RIMS2: variants seen among roughly 807,000 people sequenced by gnomAD.
RIMS2 encodes the protein regulating synaptic membrane exocytosis 2.
In RIMS2, 59 loss-of-function variants were observed where a neutral mutation model predicts 174.4. That is an observed-to-expected ratio of 0.34 (90% CI 0.27 to 0.42). The LOEUF (loss-of-function observed/expected upper bound fraction) is 0.42. RIMS2 is among the 10% of genes least tolerant of loss of function. The pLI is 1.00. For synonymous variants in RIMS2, 606 were observed against 572.5 expected (o/e 1.06, Z -0.84); for missense variants, 1,620 against 1,666.3 (o/e 0.97, Z 0.48).
intron 4 of RIMS2, among the ~76,000 whole-genome samples, chr8:103,890,552 C>G (rs2099237720): frequency 6.6e-6 from 1 of 151,980 alleles, no homozygotes; most frequent in African/African-American, 2.4e-5. Flanking sequence ...TTTTTGCGCA[C>G]TCTGTATGTC....
intron 19 of RIMS2, among the ~76,000 whole-genome samples, chr8:104,239,757 A>G (rs996560482): frequency 7.2e-5 from 11 of 152,202 alleles, no homozygotes; most frequent in African/African-American, 2.7e-4. Flanking sequence ...CACAAATTTA[A>G]CAGCTGAAAA....
chr8:103,626,159 T>A (rs2095780479), intron 1 of RIMS2, among the ~76,000 whole-genome samples: 1 of 152,136 alleles, frequency 6.6e-6, no homozygotes, highest in African/African-American at 2.4e-5. Flanking sequence ...TAAATATATA[T>A]GTTAACTGTC....
At chr8:104,077,261 G>A (rs919992408) in intron 19 of RIMS2, among the ~76,000 whole-genome samples, 1 of 151,980 alleles carries the variant, frequency 6.6e-6, no homozygotes, top group Non-Finnish European at 1.5e-5. Context: ...GATGATGATA[G>A]GAAAGAAGGA....
At chr8:103,624,896 T>A (rs1472081327) in intron 1 of RIMS2, among the ~76,000 whole-genome samples, 1 of 151,678 alleles carries the variant, frequency 6.6e-6, no homozygotes, top group Non-Finnish European at 1.5e-5. Flanking sequence ...CACACAAAAA[T>A]AAATAAAATG....
In RIMS2 at chr8:103,885,962, C is replaced by T. The variant is rs1303105784; in HGVS notation, c.1363C>T (p.Arg455Trp). 3.1e-6 allele frequency: 5 copies of T among 1,612,976 alleles called. No homozygotes were observed. The East Asian group carries it at 6.7e-5, about 22-fold the overall frequency. Residue 455 changes from arginine (R) to tryptophan (W), a missense_variant, in exon 4 of 24, where the codon CGG becomes TGG. Around this residue, in one of 2 missense-constraint regions of RIMS2, gnomAD observed 1,395 missense variants for 1,360.1 expected, o/e 1.03. Coordinates refer to ENST00000504942, the Ensembl canonical transcript of RIMS2. ...AGACTTGAGGCGTACTGACTCACTA[C>T]GGAAACAGCACCACTTAGATCCTAG... is the stretch of plus-strand genomic sequence containing the variant.
At chr8:103,545,786 A>T (rs1182398561) in intron 1 of RIMS2, among the ~76,000 whole-genome samples, 2 of 131,238 alleles carry the variant, frequency 1.5e-5, no homozygotes, top group Non-Finnish European at 3.4e-5. Context: ...AAGCTTCATA[A>T]ATGAAGGAGA....
chr8:103,950,404 A>G (rs1359000914), intron 14 of RIMS2, among the ~76,000 whole-genome samples: 1 of 152,160 alleles, frequency 6.6e-6, no homozygotes, highest in African/African-American at 2.4e-5. Context: ...AAATACAGAA[A>G]ATTGAATCCA....
intron 1 of RIMS2, among the ~76,000 whole-genome samples, chr8:103,603,339 A>G (rs1465545381): frequency 6.6e-6 from 1 of 151,540 alleles, no homozygotes; most frequent in Non-Finnish European, 1.5e-5. Flanking sequence ...ATCATGTTTT[A>G]TGGCTGCATA....
At chr8:103,630,876 T>C (rs1356660184) in intron 1 of RIMS2, among the ~76,000 whole-genome samples, 1 of 151,910 alleles carries the variant, frequency 6.6e-6, no homozygotes, top group East Asian at 1.9e-4. Flanking sequence ...AATTGAGCTA[T>C]TTTTTTTATT....
At chr8:104,238,636 A>C (rs2099271424) in intron 19 of RIMS2, among the ~76,000 whole-genome samples, 1 of 152,072 alleles carries the variant, frequency 6.6e-6, no homozygotes. Context: ...AAAGACGAAA[A>C]AGTCTTCTAC....
intron 1 of RIMS2, among the ~76,000 whole-genome samples, chr8:103,605,858 AT>A (rs1358780541): frequency 1.3e-5 from 2 of 150,908 alleles, no homozygotes; most frequent in East Asian, 1.9e-4. Flanking sequence ...CCCCTTTATC[AT>A]TTTTTATTGC....
chr8:103,747,365 T>C (rs916370432), intron 2 of RIMS2, among the ~76,000 whole-genome samples: 7 of 151,184 alleles, frequency 4.6e-5, no homozygotes, highest in Non-Finnish European at 1.0e-4. Context: ...TAAAGAACTT[T>C]TTGGGTCATT....
At chr8:103,713,902 T>C (rs184160877) in intron 2 of RIMS2, among the ~76,000 whole-genome samples, 31 of 152,338 alleles carry the variant, frequency 2.0e-4, no homozygotes, top group African/African-American at 7.5e-4. Context: ...TGCCTTTTTT[T>C]CTTTCTTCCT....
At chr8:103,976,870 C>G (rs367582725) in intron 16 of RIMS2, 2 of 152,230 alleles carry the variant, frequency 1.3e-5, no homozygotes, top group East Asian at 3.9e-4. Context: ...AAGAATGGCT[C>G]AGAAAATCTG....
intron 1 of RIMS2, among the ~76,000 whole-genome samples, chr8:103,513,491 A>G (rs888845810): frequency 2.0e-5 from 3 of 152,234 alleles, no homozygotes; most frequent in African/African-American, 7.2e-5. Context: ...AACTCTTAGC[A>G]GGGTTAGGAC....
chr8:103,794,984 G>A (rs552632236), intron 3 of RIMS2, among the ~76,000 whole-genome samples: 3 of 152,318 alleles, frequency 2.0e-5, no homozygotes, highest in African/African-American at 4.8e-5. Context: ...TACACTGTTG[G>A]TGGGACTGTA....
chr8:104,122,585 A>G (rs2098390739), intron 19 of RIMS2, among the ~76,000 whole-genome samples: 1 of 152,174 alleles, frequency 6.6e-6, no homozygotes. Flanking sequence ...GAGTGGATGA[A>G]GAGTAAAAGA....
intron 19 of RIMS2, among the ~76,000 whole-genome samples, chr8:104,106,533 T>A (rs924191332): frequency 6.6e-6 from 1 of 152,192 alleles, no homozygotes; most frequent in African/African-American, 2.4e-5. Flanking sequence ...ACTTGTCTGC[T>A]ATAGGGATAA....
intron 19 of RIMS2, among the ~76,000 whole-genome samples, chr8:104,216,772 T>C (rs905544774): frequency 7.9e-5 from 12 of 152,350 alleles, no homozygotes; most frequent in African/African-American, 2.9e-4. Context: ...GTGAGCTTCA[T>C]GAAGGTAGAG....
Sources: allele counts gnomAD v4.1 joint callset (sites outside exome capture counted in the v4.1 genomes callset), GRCh38; gene constraint gnomAD v4.1.1; regional missense constraint gnomAD v4.1.1; transcripts MANE v1.5; gene names NCBI Gene and HGNC (gene_info 2026-07-23, HGNC 2026-07-21).